Variants in CNTLN observed in about 807,000 individuals in gnomAD.
CNTLN encodes the protein centlein, centrosomal protein.
Under a neutral mutation model 180.0 loss-of-function variants are expected in CNTLN, and 212 were observed. The observed-to-expected ratio is 1.18, with a 90% CI of 1.05 to 1.32. The LOEUF (loss-of-function observed/expected upper bound fraction) is 1.32. CNTLN is among the 40% of genes most tolerant of loss of function. The pLI, the probability that CNTLN is intolerant of heterozygous loss-of-function variation, is 0.00. For missense variants in CNTLN, 2,095 were observed against 1,610.9 expected (o/e 1.30, Z -5.14); for synonymous variants, 722 against 563.1 (o/e 1.28, Z -3.99).
chr9:17,416,197 GA>G lies in CNTLN; in HGVS notation c.3114+10del, dbSNP rs1828232500. 4 of 1,600,494 alleles carry G rather than the reference GA, an allele frequency of 2.5e-6. No homozygotes were observed. In the South Asian group the frequency reaches 4.4e-5, roughly 18 times the overall value. On this transcript the variant is annotated intron_variant, in intron 18 of 25. Transcript: ENST00000380647. ...AGCAGGCAGACAATAAAGGTAAAGA[GA>G]ACTTTAAGATTGAACAGTAGTATAC...
intron 25 of CNTLN, among the ~76,000 whole-genome samples, chr9:17,497,272 G>T (rs1255482168): frequency 1.3e-5 from 2 of 152,140 alleles, no homozygotes; most frequent in African/African-American, 4.8e-5. Flanking sequence ...CAAGGGTTTA[G>T]CTCTATCTAG....
intron 5 of CNTLN, among the ~76,000 whole-genome samples, chr9:17,265,987 C>T (rs1189976844): frequency 2.6e-5 from 4 of 151,996 alleles, no homozygotes; most frequent in Non-Finnish European, 2.9e-5. Flanking sequence ...TTCAAAAAAC[C>T]AGCTCCTGGA....
At chr9:17,149,379 T>C (rs1818683801) in intron 2 of CNTLN, among the ~76,000 whole-genome samples, 1 of 152,152 alleles carries the variant, frequency 6.6e-6, no homozygotes, top group African/African-American at 2.4e-5. Context: ...TCTAGATCCT[T>C]GAGGAATCGC....
At chr9:17,486,856 A>C in intron 24 of CNTLN, 133 bp from the exon 25 acceptor site, 1 of 577,076 alleles carries the variant, frequency 1.7e-6, no homozygotes, top group East Asian at 3.1e-5. Context: ...AAATATTTCT[A>C]CTTTGAGATG....
At chr9:17,455,680 C>T (rs902440685) in intron 18 of CNTLN, among the ~76,000 whole-genome samples, 5 of 151,888 alleles carry the variant, frequency 3.3e-5, no homozygotes, top group African/African-American at 9.7e-5. Flanking sequence ...AGAAACACCA[C>T]GTGTAGAGTC....
rs1208128048 is a variant in CNTLN, at chr9:17,463,866, C to T, written c.3405-631C>T. The stretch of plus-strand genomic sequence containing the variant: ...AATAAATGAGTTAATACATGTAAAG[C>T]ACTTATAACAGTGACTGGAACATTG... On this transcript the variant is annotated intron_variant, in intron 20 of 25. Transcript: ENST00000380647. Among the ~76,000 whole-genome samples, 4 of 151,378 alleles carry T rather than the reference C, an allele frequency of 2.6e-5. No homozygotes were observed. In the Admixed American group the frequency reaches 2.6e-4, roughly 10 times the overall value.
intron 18 of CNTLN, among the ~76,000 whole-genome samples, chr9:17,419,495 C>T (rs1261157870): frequency 1.3e-5 from 2 of 152,052 alleles, no homozygotes; most frequent in African/African-American, 4.8e-5. Flanking sequence ...TATACACATG[C>T]AATGTTTAAT....
intron 1 of CNTLN, among the ~76,000 whole-genome samples, chr9:17,137,920 C>G (rs966006987): frequency 1.3e-5 from 2 of 152,108 alleles, no homozygotes; most frequent in Admixed American, 1.3e-4. Context: ...AAAAATATGG[C>G]CCCCTGATTA....
chr9:17,327,080 G>GT (rs1224042733), intron 8 of CNTLN, among the ~76,000 whole-genome samples: 1 of 152,090 alleles, frequency 6.6e-6, no homozygotes, highest in Non-Finnish European at 1.5e-5. Flanking sequence ...AACTGAGTGG[G>GT]TGGGGGTAGG....
At position 17,466,697 on chromosome 9, in the gene CNTLN, C is replaced by G. The variant is rs367902163; in HGVS notation, c.3670-9C>G. ...TATCTTTTATTTTATGACTGCTGAT[C>G]TTTTGCAGGATCTCAAGCTTACTCT... On this transcript the variant is annotated splice_polypyrimidine_tract_variant and intron_variant, in intron 22 of 25. Transcript: ENST00000380647. 15 of 1,602,060 alleles carry G rather than the reference C, an allele frequency of 9.4e-6. No homozygotes were observed. In the African/African-American group the frequency reaches 1.8e-4, roughly 19 times the overall value.
intron 19 of CNTLN, among the ~76,000 whole-genome samples, chr9:17,460,941 G>T (rs960379373): frequency 6.6e-6 from 1 of 151,374 alleles, no homozygotes; most frequent in Non-Finnish European, 1.5e-5. Context: ...TTGTTTTTAG[G>T]CAGGAATAAT....
intron 2 of CNTLN, among the ~76,000 whole-genome samples, chr9:17,197,748 C>T (rs1822229004): frequency 6.6e-6 from 1 of 152,140 alleles, no homozygotes; most frequent in African/African-American, 2.4e-5. Context: ...GATATGATCC[C>T]ATGTATCCAT....
chr9:17,138,472 C>G (rs938333775), intron 1 of CNTLN, among the ~76,000 whole-genome samples: 1 of 152,124 alleles, frequency 6.6e-6, no homozygotes, highest in Non-Finnish European at 1.5e-5. Flanking sequence ...TGTATGTGAT[C>G]AGAGAAGTCA....
chr9:17,428,077 T>A (rs146047106), intron 18 of CNTLN, among the ~76,000 whole-genome samples: 1 of 152,128 alleles, frequency 6.6e-6, no homozygotes, highest in Non-Finnish European at 1.5e-5. Flanking sequence ...GAGAGAATGG[T>A]TGGTTTTAGA....
intron 25 of CNTLN, among the ~76,000 whole-genome samples, chr9:17,495,892 A>G (rs1216221961): frequency 6.6e-6 from 1 of 152,134 alleles, no homozygotes. Context: ...ATTGTATTAC[A>G]TTTGCCTACA....
chr9:17,164,323 A>AG (rs1342166892), intron 2 of CNTLN, among the ~76,000 whole-genome samples: 1 of 150,686 alleles, frequency 6.6e-6, no homozygotes. Flanking sequence ...AAAAAAAAAA[A>AG]AAAAAAAGTT....
chr9:17,166,614 T>G (rs1383348345), intron 2 of CNTLN, among the ~76,000 whole-genome samples: 1 of 152,170 alleles, frequency 6.6e-6, no homozygotes, highest in Non-Finnish European at 1.5e-5. Context: ...TACAGCCACA[T>G]ACATAGAGTT....
chr9:17,385,153 T>C (rs1203685473), intron 13 of CNTLN, among the ~76,000 whole-genome samples: 1 of 152,216 alleles, frequency 6.6e-6, no homozygotes, highest in Non-Finnish European at 1.5e-5. Flanking sequence ...GTTGCATAGT[T>C]CATGGTATGG....
intron 5 of CNTLN, among the ~76,000 whole-genome samples, chr9:17,250,101 T>G (rs1826050472): frequency 6.6e-6 from 1 of 151,784 alleles, no homozygotes. Flanking sequence ...AACTTCTCGA[T>G]AAGTTGATTA....
Sources: allele counts gnomAD v4.1 joint callset (sites outside exome capture counted in the v4.1 genomes callset), GRCh38; gene constraint gnomAD v4.1.1; transcripts MANE v1.5; gene names NCBI Gene and HGNC (gene_info 2026-07-23, HGNC 2026-07-21).